DLEU7: variants seen among roughly 807,000 people sequenced by gnomAD.
DLEU7 encodes deleted in lymphocytic leukemia 7.
In DLEU7, 17 loss-of-function variants were observed where a neutral mutation model predicts 16.0. The ratio of observed to expected loss-of-function variants is 1.06; its 90% CI spans 0.73 to 1.59. The LOEUF (loss-of-function observed/expected upper bound fraction) is 1.59, where lower values mean the gene tolerates loss of function less well. Among genes scored for constraint, DLEU7 ranks in the 40% most tolerant of loss-of-function variants. The pLI is 0.00. For synonymous variants in DLEU7, 113 were observed against 139.8 expected (o/e 0.81, Z 1.35); for missense variants, 308 against 314.9 (o/e 0.98, Z 0.17).
chr13:50,713,326 A>G (rs1873349074), intron 1 of DLEU7: 19 of 1,504,614 alleles, frequency 1.3e-5, no homozygotes, highest in Middle Eastern at 1.7e-4. Context: ...TGAGCACTAT[A>G]TTGCATTTTA....
At chr13:50,719,843 T>C (rs1267757304) in intron 1 of DLEU7, 1 of 152,206 alleles carries the variant, frequency 6.6e-6, no homozygotes, top group Non-Finnish European at 1.5e-5. Context: ...ATATAGTCAC[T>C]TGAGTTAAAG....
chr13:50,735,623 C>G (rs1462545663), intron 1 of DLEU7, among the ~76,000 whole-genome samples: 2 of 151,736 alleles, frequency 1.3e-5, no homozygotes, highest in East Asian at 3.9e-4. Flanking sequence ...CTAACAAAAT[C>G]TAATATCCAG....
chr13:50,799,290 T>G (rs552933932), intron 1 of DLEU7, among the ~76,000 whole-genome samples: 1 of 152,332 alleles, frequency 6.6e-6, no homozygotes, highest in East Asian at 1.9e-4. Context: ...CATTAATGCA[T>G]TGATACAATC....
chr13:50,768,175 C>G (rs1030570036), intron 1 of DLEU7, among the ~76,000 whole-genome samples: 4 of 152,082 alleles, frequency 2.6e-5, no homozygotes, highest in African/African-American at 9.7e-5. Flanking sequence ...AACAAATACT[C>G]TCAGGTTTTG....
chr13:50,720,733 A>G lies in DLEU7; in HGVS notation c.460-7493T>C, dbSNP rs576497421. ...CAATCCTCTTTATACTTAATTTGAC[A>G]TGATAAACTTTTTAAGATGAAGAAA... On this transcript the variant is annotated intron_variant, in intron 1 of 1. Coordinates refer to the DLEU7 transcript ENST00000400393. Among the ~76,000 whole-genome samples the G allele has an allele frequency of 5.3e-5, 8 of 152,328 alleles. No individual in the cohort carries two copies. The South Asian group carries it at 6.2e-4, about 12-fold the overall frequency.
At chr13:50,832,373 C>T (rs1450689703) in intron 1 of DLEU7, among the ~76,000 whole-genome samples, 1 of 152,136 alleles carries the variant, frequency 6.6e-6, no homozygotes, top group Non-Finnish European at 1.5e-5. Context: ...ATTCTTCTCT[C>T]TTTTCTCCTT....
chr13:50,753,777 GCTC>G (rs1566239365), intron 1 of DLEU7, among the ~76,000 whole-genome samples: 1 of 152,222 alleles, frequency 6.6e-6, no homozygotes, highest in African/African-American at 2.4e-5. Flanking sequence ...AGGCTGAAAG[GCTC>G]CTCAAGTGCC....
chr13:50,745,989 T>A (rs1874382817), intron 1 of DLEU7, among the ~76,000 whole-genome samples: 1 of 152,194 alleles, frequency 6.6e-6, no homozygotes, highest in Non-Finnish European at 1.5e-5. Flanking sequence ...TACTGTATAT[T>A]TAGGGAACCG....
At chr13:50,724,420 C>T (rs1442874720) in intron 1 of DLEU7, among the ~76,000 whole-genome samples, 1 of 152,024 alleles carries the variant, frequency 6.6e-6, no homozygotes, top group African/African-American at 2.4e-5. Flanking sequence ...TTTTGTGAGT[C>T]TCAGATATTA....
chr13:50,747,369 T>TGTGTGTGTGTGA (rs1257382659), intron 1 of DLEU7, among the ~76,000 whole-genome samples: 3 of 91,144 alleles, frequency 3.3e-5, no homozygotes, highest in African/African-American at 2.9e-4. Flanking sequence ...TGTGTGTGTG[T>TGTGTGTGTGTGA]GTGACAGAGA....
Position 50,843,439 on chromosome 13 carries a change from CG to C in DLEU7, c.207del (p.Gly71AlafsTer20), listed in dbSNP as rs1197834712. 1 of 1,325,356 alleles carries C rather than the reference CG, an allele frequency of 7.5e-7. No individual in the cohort carries two copies. The allele number at this position is 1,325,356 out of a possible 1,614,324, so 82.1% of individuals were successfully genotyped here. On this transcript the variant is annotated frameshift_variant, in exon 1 of 2. Coordinates refer to ENST00000504404, the MANE Select transcript of DLEU7 (RefSeq NM_001306135.2). LOFTEE classifies it high-confidence loss of function. This position sits in a 1 kb window ranked among gnomAD's most constrained non-coding sequence, Gnocchi z 5.7. The stretch of plus-strand genomic sequence containing the variant: ...CGCCGACTCCTGGTCCCCACGCCCC[CG>C]CCCCGCTCCTCGCGCCCGGGCCCCG... Reference protein sequence around the residue: ...ARPGPGREERGGGVGTRSRRT... With the variant: ...ARPGPGREERXGGVGTRSRRT...
chr13:50,771,081 G>A (rs1397709170), intron 1 of DLEU7, among the ~76,000 whole-genome samples: 1 of 152,094 alleles, frequency 6.6e-6, no homozygotes. Flanking sequence ...TTCTCTGATG[G>A]TAGTTTGTAT....
chr13:50,823,630 G>A (rs796971723), intron 1 of DLEU7, 110 bp from the exon 2 acceptor site: 1 of 1,062,172 alleles, frequency 9.4e-7, no homozygotes, highest in Non-Finnish European at 1.3e-6. Context: ...CAGCACTCTG[G>A]TTTTTTTTTT....
At chr13:50,801,258 C>CGGTAGCTGAA (rs767690586) in intron 1 of DLEU7, among the ~76,000 whole-genome samples, 9 of 152,072 alleles carry the variant, frequency 5.9e-5, no homozygotes, top group Non-Finnish European at 1.0e-4. Flanking sequence ...AGTGAGCTCT[C>CGGTAGCTGAA]GGTAGCTGAA....
At chr13:50,756,551 T>A (rs1274428046) in intron 1 of DLEU7, among the ~76,000 whole-genome samples, 1 of 152,088 alleles carries the variant, frequency 6.6e-6, no homozygotes, top group Non-Finnish European at 1.5e-5. Flanking sequence ...AGAGGGCCGG[T>A]CTCCCTCTCA....
At chr13:50,714,123 C>G (rs1873371174) in intron 1 of DLEU7, among the ~76,000 whole-genome samples, 1 of 152,224 alleles carries the variant, frequency 6.6e-6, no homozygotes, top group Non-Finnish European at 1.5e-5. Context: ...TTATTCCATT[C>G]TTGCAGGATC....
intron 1 of DLEU7, among the ~76,000 whole-genome samples, chr13:50,737,568 A>G (rs1874110339): frequency 6.6e-6 from 1 of 152,118 alleles, no homozygotes; most frequent in Non-Finnish European, 1.5e-5. Flanking sequence ...GTGATCTGTG[A>G]TCAGTAATCC....
chr13:50,833,923 A>C (rs1259528269), intron 1 of DLEU7, among the ~76,000 whole-genome samples: 1 of 152,224 alleles, frequency 6.6e-6, no homozygotes, highest in East Asian at 1.9e-4. Context: ...AAACCTGACA[A>C]AAACAAACAA....
chr13:50,840,433 G>A (rs538320002), intron 1 of DLEU7, among the ~76,000 whole-genome samples: 12 of 152,266 alleles, frequency 7.9e-5, no homozygotes, highest in African/African-American at 2.4e-4. Context: ...AAATTCCTAG[G>A]TGCTCCCAAG....
Sources: allele counts gnomAD v4.1 joint callset (sites outside exome capture counted in the v4.1 genomes callset), GRCh38; gene constraint gnomAD v4.1.1; non-coding constraint Gnocchi (gnomAD v3.1); transcripts MANE v1.5; gene names NCBI Gene and HGNC (gene_info 2026-07-23, HGNC 2026-07-21).